NAB1: variants seen among roughly 807,000 people sequenced by gnomAD.
NAB1 encodes the protein NGFI-A-binding protein 1.
NAB1 carries 25 observed loss-of-function variants against 49.9 expected under a neutral mutation model. The observed-to-expected ratio is 0.50, with a 90% CI of 0.37 to 0.70. The LOEUF is 0.70. Ranked by LOEUF, NAB1 falls within the 30% of genes least tolerant of loss-of-function variation. The pLI, the probability that NAB1 is intolerant of heterozygous loss-of-function variation, is 0.00. For missense variants in NAB1, 489 were observed against 575.9 expected (o/e 0.85, Z 1.54); for synonymous variants, 198 against 215.6 (o/e 0.92, Z 0.71).
rs890770044 is a variant in NAB1 at position 190,652,472 on chromosome 2, A to G, written c.-197+2490A>G. ...ATAAATACATAGTTATCATTTAGCAAAATCTGGTTTAGTTTTTTCTAATTT... is the reference window on the plus strand; with the variant it reads ...ATAAATACATAGTTATCATTTAGCAGAATCTGGTTTAGTTTTTTCTAATTT... On this transcript the variant is annotated intron_variant, in intron 2 of 9. Transcript: ENST00000337386. The surrounding 1 kb of genome is among the most constrained non-coding windows in gnomAD (Gnocchi z 4.2). Among the ~76,000 whole-genome samples the G allele has an allele frequency of 1.3e-5, 2 of 152,172 alleles. No individual in the cohort carries two copies. Among genetic ancestry groups the G allele is most frequent in the African/African-American group, 4.8e-5 (2 of 41,448 alleles).
At position 190,683,778 on chromosome 2, in the gene NAB1, TC is replaced by T; in HGVS notation, c.1048del (p.Gln350SerfsTer21). The T allele has an allele frequency of 1.2e-6, 2 of 1,613,868 alleles. No individual in the cohort carries two copies. Among genetic ancestry groups the T allele is most frequent in the Non-Finnish European group, 1.7e-6 (2 of 1,179,940 alleles). ...TTCCAGGATTCTGTGCAAACACTCT[TC>T]CAGCAGGCTAGAGCTAAGAGTGAAG... ...PDFQDSVQTL[F>X]QQARAKSEEL... On this transcript the variant is annotated frameshift_variant, in exon 7 of 10. Transcript: ENST00000337386. LOFTEE classifies it high-confidence loss of function.
At position 190,649,236 on chromosome 2, in the gene NAB1, T is replaced by C. The variant is rs1018129154; in HGVS notation, c.-458T>C. The C allele has an allele frequency of 1.3e-5, 2 of 151,342 alleles. No homozygotes were observed. The highest frequency in any genetic ancestry group is 3.0e-5 in the Non-Finnish European group (2 of 67,788). The allele number at this position is 151,342 out of a possible 1,614,324, so 9.4% of individuals were successfully genotyped here. ...CCACCACCTTCCCTTCCCCCCTCGA[T>C]GGGAGCGGGGGCGTCCCGGCTCCTG... On this transcript the variant is annotated 5_prime_UTR_variant, in exon 1 of 10. The change abolishes an upstream ATG in the 5' untranslated region. Transcript: ENST00000337386. This position sits in a 1 kb window ranked among gnomAD's most constrained non-coding sequence, Gnocchi z 6.1.
chr2:190,686,890 A>C lies in NAB1; in HGVS notation c.1259-311A>C, dbSNP rs922680445. Among the ~76,000 whole-genome samples, 3 of 151,844 alleles carry C rather than the reference A, an allele frequency of 2.0e-5. No homozygotes were observed. On this transcript the variant is annotated intron_variant, in intron 8 of 9. Transcript: ENST00000337386. The surrounding 1 kb of genome is among the most constrained non-coding windows in gnomAD (Gnocchi z 5.5). ...CATGCCTTGGTAAAATGGTTGTTCT[A>C]GTAAGAAAATGCCTTATAGAGGAGA...
chr2:190,667,139 A>G lies in NAB1; in HGVS notation c.820-3187A>G, dbSNP rs1439797415. ...CAGGTTCCCTGAGGGCCTGGAGTTT[A>G]GTCTACTTTTTTGGTTTGTGGGAGC... On this transcript the variant is annotated intron_variant, in intron 4 of 9. Coordinates refer to ENST00000337386, the MANE Select transcript of NAB1 (RefSeq NM_005966.4). This position sits in a 1 kb window ranked among gnomAD's most constrained non-coding sequence, Gnocchi z 4.4. Among the ~76,000 whole-genome samples the G allele has an allele frequency of 1.5e-4, 23 of 152,136 alleles. No homozygotes were observed. The highest frequency in any genetic ancestry group is 2.9e-5 in the Non-Finnish European group (2 of 68,022).
chr2:190,664,900 A>G (rs1007206927), intron 4 of NAB1, among the ~76,000 whole-genome samples: 4 of 151,844 alleles, frequency 2.6e-5, no homozygotes, highest in Non-Finnish European at 4.4e-5. Flanking sequence ...TATATGACTA[A>G]TATTTTGGAT....
rs1695513956 is a variant in NAB1 at position 190,684,604 on chromosome 2, T to C, written c.1095+777T>C. Among the ~76,000 whole-genome samples, 1 of 152,212 alleles carries C rather than the reference T, an allele frequency of 6.6e-6. No homozygotes were observed. On this transcript the variant is annotated intron_variant, in intron 7 of 9. Transcript: ENST00000337386. The surrounding 1 kb of genome is among the most constrained non-coding windows in gnomAD (Gnocchi z 4.6). ...TGTTTATCATGTTTATTCTGTGAAT[T>C]AATATATTTTACCTACTGATTTTTA...
Position 190,691,754 on chromosome 2 carries a change from AAG to A in NAB1, c.*1426_*1427del, listed in dbSNP as rs567344430. The A allele has an allele frequency of 3.9e-5, 6 of 152,314 alleles. No homozygotes were observed. In the East Asian group the frequency reaches 1.2e-3, roughly 29 times the overall value. The allele number at this position is 152,314 out of a possible 1,614,324, so 9.4% of individuals were successfully genotyped here. On this transcript the variant is annotated 3_prime_UTR_variant, in exon 10 of 10. Transcript: ENST00000337386. The surrounding 1 kb of genome is among the most constrained non-coding windows in gnomAD (Gnocchi z 4.1). ...AGAAGAGTGTATTGACTCTGAGTGTAAGAGAGTATGTGTTTTTTTGTTTTTAG... is the reference window on the plus strand; with the variant it reads ...AGAAGAGTGTATTGACTCTGAGTGTAAGAGTATGTGTTTTTTTGTTTTTAG...
chr2:190,668,520 G>A (rs1694639507), intron 4 of NAB1, among the ~76,000 whole-genome samples: 1 of 152,070 alleles, frequency 6.6e-6, no homozygotes. Context: ...ATGTAAACAA[G>A]CCACGTCTCT....
chr2:190,655,621 G>A (rs976348245), intron 2 of NAB1, among the ~76,000 whole-genome samples: 6 of 152,224 alleles, frequency 3.9e-5, no homozygotes, highest in African/African-American at 1.4e-4. Flanking sequence ...AAGCTGGCCT[G>A]AGTCAGGTTT....
intron 4 of NAB1, among the ~76,000 whole-genome samples, chr2:190,661,393 A>G (rs373238366): frequency 6.6e-6 from 1 of 152,320 alleles, no homozygotes; most frequent in South Asian, 2.1e-4. Flanking sequence ...TATGGCTGTC[A>G]TTAGTAGAAA....
Position 190,685,503 on chromosome 2 carries a change from A to G in NAB1, c.1123A>G (p.Met375Val). 6.2e-7 allele frequency: 1 copy of G among 1,612,742 alleles called. No individual in the cohort carries two copies. The highest frequency in any genetic ancestry group is 8.5e-7 in the Non-Finnish European group (1 of 1,179,656). Residue 375 changes from methionine (M) to valine (V), a missense_variant, in exon 8 of 10, where the codon ATG (methionine) becomes GTG (valine). Coordinates refer to ENST00000337386, the MANE Select transcript of NAB1 (RefSeq NM_005966.4). This position sits in a 1 kb window ranked among gnomAD's most constrained non-coding sequence, Gnocchi z 4.5. ...QQPEKVMAKQ[M>V]EFLCNQAGYE... is the part of the protein sequence containing the mutation. ...GCCTGAAAAGGTGATGGCAAAGCAG[A>G]TGGAGTTCCTTTGCAACCAAGCTGG...
chr2:190,681,147 TA>T (rs1274810574), intron 6 of NAB1, among the ~76,000 whole-genome samples: 1 of 152,194 alleles, frequency 6.6e-6, no homozygotes, highest in African/African-American at 2.4e-5. Context: ...ATAAAGGTAG[TA>T]ACTCTGAATT....
Position 190,670,024 on chromosome 2 carries a change from T to C in NAB1, c.820-302T>C, listed in dbSNP as rs1157702216. 6.6e-6 allele frequency among the ~76,000 whole-genome samples: 1 copy of C among 152,174 alleles called. No individual in the cohort carries two copies. The highest frequency in any genetic ancestry group is 1.9e-4 in the East Asian group (1 of 5,202). On this transcript the variant is annotated intron_variant, in intron 4 of 9. Coordinates refer to ENST00000337386, the MANE Select transcript of NAB1 (RefSeq NM_005966.4). The surrounding 1 kb of genome is among the most constrained non-coding windows in gnomAD (Gnocchi z 5.3). Reference sequence around the variant, plus strand: ...GTTTTTTTATAAGCGAGTTGCAGAATATTTTTTACTTTTTATTTTCCTTGT... The same window carrying C: ...GTTTTTTTATAAGCGAGTTGCAGAACATTTTTTACTTTTTATTTTCCTTGT...
chr2:190,656,809 A>T (rs910533457), intron 3 of NAB1, among the ~76,000 whole-genome samples: 2 of 152,098 alleles, frequency 1.3e-5, no homozygotes, highest in Non-Finnish European at 2.9e-5. Flanking sequence ...TATTGCTCAT[A>T]AAAAGATTTA....
In NAB1 at chr2:190,677,272, C is replaced by T. The variant is rs1425324611; in HGVS notation, c.1005+4120C>T. 1 of 152,148 alleles carries T rather than the reference C, an allele frequency of 6.6e-6. No homozygotes were observed. Among genetic ancestry groups the T allele is most frequent in the South Asian group, 2.1e-4 (1 of 4,832 alleles). The allele number at this position is 152,148 out of a possible 1,614,324, so 9.4% of individuals were successfully genotyped here. ...AATCTGTTGTCCTTAAATAGTGTTCCTCCTTACAGGGTATGTTAAACATTA... is the reference window on the plus strand; with the variant it reads ...AATCTGTTGTCCTTAAATAGTGTTCTTCCTTACAGGGTATGTTAAACATTA... On this transcript the variant is annotated intron_variant, in intron 6 of 9. Coordinates refer to ENST00000337386, the MANE Select transcript of NAB1 (RefSeq NM_005966.4). The surrounding 1 kb of genome is among the most constrained non-coding windows in gnomAD (Gnocchi z 5.6).
rs535730525 is a variant in NAB1 at position 190,682,500 on chromosome 2, C to T, written c.1006-1238C>T. Reference sequence around the variant, plus strand: ...CTTGAGCAATTCAGGTTGGGATTATCGGTTAGCACTTTAAAGAACATTTAG... The same window carrying T: ...CTTGAGCAATTCAGGTTGGGATTATTGGTTAGCACTTTAAAGAACATTTAG... On this transcript the variant is annotated intron_variant, in intron 6 of 9. Transcript: ENST00000337386. This position sits in a 1 kb window ranked among gnomAD's most constrained non-coding sequence, Gnocchi z 4.1. 7.9e-5 allele frequency among the ~76,000 whole-genome samples: 12 copies of T among 152,272 alleles called. No homozygotes were observed. Among genetic ancestry groups the T allele is most frequent in the South Asian group, 2.1e-4 (1 of 4,824 alleles).
At position 190,679,810 on chromosome 2, in the gene NAB1, A is replaced by G. The variant is rs1468623399; in HGVS notation, c.1006-3928A>G. Among the ~76,000 whole-genome samples the G allele has an allele frequency of 3.3e-5, 5 of 152,130 alleles. No individual in the cohort carries two copies. The highest frequency in any genetic ancestry group is 7.4e-5 in the Non-Finnish European group (5 of 68,016). On this transcript the variant is annotated intron_variant, in intron 6 of 9. Transcript: ENST00000337386. The surrounding 1 kb of genome is among the most constrained non-coding windows in gnomAD (Gnocchi z 5.3). ...TATTGAGGCATTGGGGCTCATGGGGATTCTGATTGGTGCACTCCACTCAGA... is the reference window on the plus strand; with the variant it reads ...TATTGAGGCATTGGGGCTCATGGGGGTTCTGATTGGTGCACTCCACTCAGA...
chr2:190,658,669 C>G (rs1694057526), intron 3 of NAB1, among the ~76,000 whole-genome samples: 1 of 152,170 alleles, frequency 6.6e-6, no homozygotes, highest in Non-Finnish European at 1.5e-5. Context: ...CATTTTTTCT[C>G]TATAAAATGG....
At position 190,675,535 on chromosome 2, in the gene NAB1, G is replaced by A. The variant is rs775729930; in HGVS notation, c.1005+2383G>A. Among the ~76,000 whole-genome samples the A allele has an allele frequency of 3.3e-5, 5 of 152,086 alleles. No individual in the cohort carries two copies. Among genetic ancestry groups the A allele is most frequent in the Non-Finnish European group, 5.9e-5 (4 of 68,024 alleles). ...AGATACTTGAGTTATAGTTCTATAC[G>A]GTTAGTTTATTGGTTTACTGGAGGT... On this transcript the variant is annotated intron_variant, in intron 6 of 9. Transcript: ENST00000337386. The surrounding 1 kb of genome is among the most constrained non-coding windows in gnomAD (Gnocchi z 5.2).
Sources: gnomAD v4.1 joint callset for allele counts (sites outside exome capture counted in the v4.1 genomes callset) on GRCh38, gnomAD v4.1.1 for gene constraint, Gnocchi (gnomAD v3.1) non-coding constraint, MANE v1.5 for transcripts, NCBI Gene and HGNC (gene_info 2026-07-23, HGNC 2026-07-21) for gene names.